Variants in ASTN2 observed in about 807,000 individuals in gnomAD.
ASTN2 encodes astrotactin-2.
Under a neutral mutation model 139.8 loss-of-function variants are expected in ASTN2, and 54 were observed. The ratio of observed to expected loss-of-function variants is 0.39; its 90% confidence interval spans 0.31 to 0.48. The LOEUF (loss-of-function observed/expected upper bound fraction) is 0.48, where lower values mean the gene tolerates loss of function less well. ASTN2 is among the 20% of genes least tolerant of loss of function. The probability of loss-of-function intolerance (pLI) is 0.95; values close to 1 mark genes in which losing one functional copy is unlikely to be tolerated. For missense variants in ASTN2, 1,565 were observed against 1,725.1 expected (o/e 0.91, Z 1.64); for synonymous variants, 756 against 719.5 (o/e 1.05, Z -0.81).
chr9:116,425,696 A>G lies in ASTN2; in HGVS notation c.*155T>C, dbSNP rs1375158012. The G allele has an allele frequency of 6.2e-7, 1 of 1,607,860 alleles. No homozygotes were observed. On this transcript the variant is annotated 3_prime_UTR_variant, in exon 23 of 23. Transcript: ENST00000313400. ...TTACAAAGGTCTCTGTCCACTATCCACAGGAGAAACCGTTTGCTTTGGCCT... is the reference window on the plus strand; with the variant it reads ...TTACAAAGGTCTCTGTCCACTATCCGCAGGAGAAACCGTTTGCTTTGGCCT...
At chr9:116,925,202 G>A (rs1834720824) in intron 10 of ASTN2, among the ~76,000 whole-genome samples, 1 of 152,068 alleles carries the variant, frequency 6.6e-6, no homozygotes, top group Non-Finnish European at 1.5e-5. Context: ...CAGAGCTACA[G>A]CCCCTGCTTA....
At chr9:117,395,847 T>G (rs1019748591) in intron 1 of ASTN2, among the ~76,000 whole-genome samples, 2 of 152,220 alleles carry the variant, frequency 1.3e-5, no homozygotes, top group African/African-American at 4.8e-5. Context: ...AAAAAATATT[T>G]GTTAATGTTT....
intron 19 of ASTN2, among the ~76,000 whole-genome samples, chr9:116,594,018 T>C (rs1854473303): frequency 6.6e-6 from 1 of 152,194 alleles, no homozygotes. Flanking sequence ...CAGGTATATC[T>C]TTGCACTTCC....
chr9:116,615,820 C>T (rs926651735), intron 19 of ASTN2, among the ~76,000 whole-genome samples: 1 of 151,884 alleles, frequency 6.6e-6, no homozygotes, highest in Non-Finnish European at 1.5e-5. Context: ...CACATGTATA[C>T]ATATGTAAAA....
chr9:117,035,546 T>TACTCCTAC (rs1434231747), intron 6 of ASTN2, among the ~76,000 whole-genome samples: 37 of 152,314 alleles, frequency 2.4e-4, no homozygotes, highest in African/African-American at 7.2e-4. Flanking sequence ...ATCAATTTTC[T>TACTCCTAC]AGATCCTTCT....
chr9:116,543,558 G>A (rs1387921779), intron 19 of ASTN2: 4 of 152,094 alleles, frequency 2.6e-5, no homozygotes, highest in Admixed American at 1.3e-4. Context: ...AGTTCCACAA[G>A]GTAAAATAAC....
At chr9:117,160,620 G>A (rs376213883) in intron 3 of ASTN2, among the ~76,000 whole-genome samples, 2 of 151,858 alleles carry the variant, frequency 1.3e-5, no homozygotes, top group Non-Finnish European at 2.9e-5. Flanking sequence ...GTTTCCAAAT[G>A]TATGCTAAAT....
chr9:117,131,828 T>C (rs1412045599), intron 4 of ASTN2, among the ~76,000 whole-genome samples: 1 of 152,200 alleles, frequency 6.6e-6, no homozygotes, highest in Non-Finnish European at 1.5e-5. Context: ...GTAACTTCAG[T>C]CTCTGTAAAA....
At chr9:116,747,095 A>T (rs532169237) in intron 13 of ASTN2, among the ~76,000 whole-genome samples, 1 of 152,278 alleles carries the variant, frequency 6.6e-6, no homozygotes, top group East Asian at 1.9e-4. Context: ...ACACAGAATA[A>T]CAAGTATCAT....
chr9:116,820,770 A>C lies in ASTN2; in HGVS notation c.2054T>G (p.Leu685Arg). 1 of 1,613,918 alleles carries C rather than the reference A, an allele frequency of 6.2e-7. No individual in the cohort carries two copies. The highest frequency in any genetic ancestry group is 8.5e-7 in the Non-Finnish European group (1 of 1,179,874). The change falls in exon 12 of 23, where the codon CTG becomes CGG. Residue 685 changes from leucine (L) to arginine (R), a missense_variant. By Grantham distance (102) the Leu-to-Arg change is moderately radical. Transcript: ENST00000313400. ...GCCAGAGCCATCCTTCATGGGTTTC[A>C]GCTCCTCAGGGCACTGCTCAGAGAG... is the stretch of plus-strand genomic sequence containing the variant. ...DSSGCVCPEE[L>R]KPMKDGSGCY...
intron 22 of ASTN2, among the ~76,000 whole-genome samples, chr9:116,430,952 G>A (rs1440404863): frequency 5.3e-5 from 8 of 152,236 alleles, no homozygotes. Flanking sequence ...ATAGGTCAGT[G>A]ACCACTTTTG....
chr9:117,224,529 T>C (rs999052250), intron 2 of ASTN2, among the ~76,000 whole-genome samples: 3 of 152,134 alleles, frequency 2.0e-5, no homozygotes, highest in Non-Finnish European at 2.9e-5. Flanking sequence ...CTTCCCCTCT[T>C]TGGGGTAAGT....
chr9:116,440,833 A>G (rs1191106116), intron 21 of ASTN2, 41 bp from the exon 22 acceptor site: 1 of 1,575,712 alleles, frequency 6.3e-7, no homozygotes, highest in South Asian at 1.1e-5. Flanking sequence ...CTGGGTGGTG[A>G]AAAAAAGTAA....
chr9:116,897,561 G>A (rs932531926), intron 10 of ASTN2, among the ~76,000 whole-genome samples: 4 of 152,152 alleles, frequency 2.6e-5, no homozygotes, highest in Non-Finnish European at 4.4e-5. Flanking sequence ...GTTTGTAGTA[G>A]CAAAAAACTG....
At chr9:116,904,813 G>A (rs1019178632) in intron 10 of ASTN2, among the ~76,000 whole-genome samples, 10 of 152,158 alleles carry the variant, frequency 6.6e-5, no homozygotes, top group East Asian at 3.9e-4. Context: ...TTAAGGCTGC[G>A]TGATGAACAT....
In ASTN2 at chr9:117,113,932, T is replaced by C. The variant is rs1829312461; in HGVS notation, c.1169-17781A>G. 2.0e-5 allele frequency among the ~76,000 whole-genome samples: 3 copies of C among 152,324 alleles called. No individual in the cohort carries two copies. The South Asian group carries it at 6.2e-4, about 32-fold the overall frequency. ...GGTGAAGGAAATGGTCACTGGTGTATACATCTTTCAAAACTCATTGAATTG... is the reference window on the plus strand; with the variant it reads ...GGTGAAGGAAATGGTCACTGGTGTACACATCTTTCAAAACTCATTGAATTG... On this transcript the variant is annotated intron_variant, in intron 4 of 22. Coordinates refer to ENST00000313400, the MANE Select transcript of ASTN2 (RefSeq NM_001365068.1).
At chr9:117,177,281 C>A (rs1830940601) in intron 3 of ASTN2, among the ~76,000 whole-genome samples, 1 of 152,120 alleles carries the variant, frequency 6.6e-6, no homozygotes, top group Non-Finnish European at 1.5e-5. Context: ...TTACAGCTAG[C>A]CTTGTTTTAT....
At chr9:116,447,499 T>C (rs1265796426) in intron 20 of ASTN2, among the ~76,000 whole-genome samples, 1 of 152,100 alleles carries the variant, frequency 6.6e-6, no homozygotes, top group African/African-American at 2.4e-5. Flanking sequence ...AGTCTTTCCA[T>C]CTGTGAAATG....
Position 116,799,872 on chromosome 9 carries a change from C to T in ASTN2, c.2396+5760G>A, listed in dbSNP as rs187129459. 1.7e-3 allele frequency among the ~76,000 whole-genome samples: 266 copies of T among 152,190 alleles called. 1 individual carries two copies. Among genetic ancestry groups the T allele is most frequent in the African/African-American group, 4.6e-3 (190 of 41,514 alleles). ...GATCACTGAGACCAACACTTAGCAC[C>T]GGAAGGGATAAGAAACAACAAAGCT... On this transcript the variant is annotated intron_variant, in intron 13 of 22. Coordinates refer to ENST00000313400, the MANE Select transcript of ASTN2 (RefSeq NM_001365068.1).
Sources: allele counts gnomAD v4.1 joint callset (sites outside exome capture counted in the v4.1 genomes callset), GRCh38; gene constraint gnomAD v4.1.1; transcripts MANE v1.5; gene names NCBI Gene and HGNC (gene_info 2026-07-23, HGNC 2026-07-21).